Variants in FSTL4 observed in about 807,000 individuals in gnomAD.
The protein encoded by FSTL4 is follistatin like 4, also known as follistatin-related protein 4.
Under a neutral mutation model 78.2 loss-of-function variants are expected in FSTL4, and 28 were observed. The ratio of observed to expected loss-of-function variants is 0.36; its 90% CI spans 0.27 to 0.49. The LOEUF (loss-of-function observed/expected upper bound fraction) is 0.49, where lower values mean the gene tolerates loss of function less well. FSTL4 is among the 20% of genes least tolerant of loss of function. The pLI, the probability that FSTL4 is intolerant of heterozygous loss-of-function variation, is 0.98. For synonymous variants in FSTL4, 422 were observed against 440.5 expected (o/e 0.96, Z 0.53); for missense variants, 922 against 1,084.9 (o/e 0.85, Z 2.11).
At chr5:133,408,898 A>G (rs1756425743) in intron 3 of FSTL4, among the ~76,000 whole-genome samples, 1 of 152,220 alleles carries the variant, frequency 6.6e-6, no homozygotes, top group Admixed American at 6.5e-5. Context: ...GGTTGAATAA[A>G]TAGGACTGGA....
chr5:133,478,360 G>A (rs1470582650), intron 3 of FSTL4, among the ~76,000 whole-genome samples: 1 of 152,190 alleles, frequency 6.6e-6, no homozygotes, highest in Non-Finnish European at 1.5e-5. Flanking sequence ...CTGTATTGGT[G>A]AGCAAGTCGT....
the FSTL4 span, among the ~76,000 whole-genome samples, chr5:133,709,674 C>CA: frequency 6.6e-6 from 1 of 152,118 alleles, no homozygotes; most frequent in Non-Finnish European, 1.5e-5. Flanking sequence ...CCCTCACTGC[C>CA]AAAATGACCA....
the FSTL4 span, among the ~76,000 whole-genome samples, chr5:133,769,715 T>G: frequency 6.6e-6 from 1 of 152,212 alleles, no homozygotes; most frequent in African/African-American, 2.4e-5. Flanking sequence ...TAAAAAATCT[T>G]TATGTATTTA....
At chr5:133,464,846 A>G (rs1757671651) in intron 3 of FSTL4, among the ~76,000 whole-genome samples, 1 of 152,216 alleles carries the variant, frequency 6.6e-6, no homozygotes, top group African/African-American at 2.4e-5. Context: ...AGCGGACTCA[A>G]CTAGTAATTT....
intron 3 of FSTL4, among the ~76,000 whole-genome samples, chr5:133,441,936 C>T (rs1176283937): frequency 6.6e-6 from 1 of 152,216 alleles, no homozygotes; most frequent in Non-Finnish European, 1.5e-5. Flanking sequence ...TATGGGTGGC[C>T]ATGCTGCCAA....
the FSTL4 span, among the ~76,000 whole-genome samples, chr5:133,691,924 G>C: frequency 5.9e-5 from 9 of 152,278 alleles, no homozygotes; most frequent in South Asian, 1.9e-3. Flanking sequence ...CCTACCATGT[G>C]CAACCTATTA....
In FSTL4 at chr5:133,205,217, T is replaced by C. The variant is rs111478994; in HGVS notation, c.1717-3175A>G. Reference sequence around the variant, plus strand: ...AGAATGCCTGCTGTATTTAATTAAATGTCTTTTCAGTATTTATTGAAAACG... The same window carrying C: ...AGAATGCCTGCTGTATTTAATTAAACGTCTTTTCAGTATTTATTGAAAACG... On this transcript the variant is annotated intron_variant, in intron 14 of 15. Coordinates refer to ENST00000265342, the MANE Select transcript of FSTL4 (RefSeq NM_015082.2). 7.3e-3 allele frequency among the ~76,000 whole-genome samples: 1,103 copies of C among 151,894 alleles called. 6 individuals carry two copies. The highest frequency in any genetic ancestry group is 0.011 in the Non-Finnish European group (775 of 68,026).
intron 3 of FSTL4, among the ~76,000 whole-genome samples, chr5:133,460,252 C>G (rs1757566436): frequency 6.6e-6 from 1 of 152,068 alleles, no homozygotes; most frequent in Admixed American, 6.5e-5. Context: ...ATTCTTTGTT[C>G]AAGACACCGA....
chr5:133,406,997 T>A (rs1756379853), intron 3 of FSTL4, among the ~76,000 whole-genome samples: 1 of 152,190 alleles, frequency 6.6e-6, no homozygotes, highest in East Asian at 1.9e-4. Flanking sequence ...GGTCTCTGCT[T>A]CAAGTTCAAG....
the FSTL4 span, among the ~76,000 whole-genome samples, chr5:133,829,610 G>C: frequency 1.3e-5 from 2 of 152,306 alleles, no homozygotes; most frequent in African/African-American, 2.4e-5. Flanking sequence ...TGTTGTCAGG[G>C]GGAGAGAAAG....
At chr5:133,723,491 C>G in the FSTL4 span, among the ~76,000 whole-genome samples, 1 of 152,098 alleles carries the variant, frequency 6.6e-6, no homozygotes, top group Non-Finnish European at 1.5e-5. Flanking sequence ...AGGCCAGGTG[C>G]AGGAGCAGCA....
intron 3 of FSTL4, among the ~76,000 whole-genome samples, chr5:133,526,239 T>C (rs537908019): frequency 4.6e-5 from 7 of 152,284 alleles, no homozygotes; most frequent in Admixed American, 4.6e-4. Flanking sequence ...CTCTTCACTA[T>C]ACAGCTGGGG....
At chr5:133,638,641 CTAGTAT>C in the FSTL4 span, among the ~76,000 whole-genome samples, 1 of 152,190 alleles carries the variant, frequency 6.6e-6, no homozygotes, top group African/African-American at 2.4e-5. Context: ...TCCTCCCACC[CTAGTAT>C]TACCTGTTGC....
intron 4 of FSTL4, among the ~76,000 whole-genome samples, chr5:133,381,163 G>GAGGAACACTT: frequency 6.6e-6 from 1 of 152,334 alleles, no homozygotes; most frequent in East Asian, 1.9e-4. Flanking sequence ...GTACACGCTA[G>GAGGAACACTT]AGGAACACTT....
chr5:133,800,495 T>G, the FSTL4 span, among the ~76,000 whole-genome samples: 990 of 139,184 alleles, frequency 7.1e-3, 185 homozygotes, highest in African/African-American at 0.024. Context: ...GAATTTGTGT[T>G]GGGCTGCATT....
At chr5:133,610,070 A>C (rs988015647) in intron 1 of FSTL4, among the ~76,000 whole-genome samples, 3 of 152,264 alleles carry the variant, frequency 2.0e-5, no homozygotes, top group African/African-American at 2.4e-5. Context: ...CTCTGAATAT[A>C]GTGTTAAGTC....
chr5:133,672,269 G>A, the FSTL4 span, among the ~76,000 whole-genome samples: 1 of 152,234 alleles, frequency 6.6e-6, no homozygotes, highest in African/African-American at 2.4e-5. Context: ...TCTTGCTACT[G>A]TACTCAGTGG....
intron 4 of FSTL4, among the ~76,000 whole-genome samples, chr5:133,341,707 C>A (rs978620844): frequency 4.6e-5 from 7 of 152,198 alleles, no homozygotes. Context: ...TCCTGCCAGG[C>A]CCACCTTGAA....
intron 1 of FSTL4, among the ~76,000 whole-genome samples, chr5:133,607,178 T>C (rs1760995049): frequency 6.6e-6 from 1 of 152,242 alleles, no homozygotes; most frequent in Non-Finnish European, 1.5e-5. Flanking sequence ...TCATTTGCAC[T>C]GTGGATGTGT....
Sources: gnomAD v4.1 joint callset for allele counts (sites outside exome capture counted in the v4.1 genomes callset) on GRCh38, gnomAD v4.1.1 for gene constraint, MANE v1.5 for transcripts, NCBI Gene and HGNC (gene_info 2026-07-23, HGNC 2026-07-21) for gene names.